PHKB: variants seen among roughly 807,000 people sequenced by gnomAD.
PHKB encodes phosphorylase kinase regulatory subunit beta.
A neutral mutation model predicts 152.1 loss-of-function variants in PHKB; 122 were observed. The ratio of observed to expected loss-of-function variants is 0.80; its 90% confidence interval spans 0.69 to 0.93. The LOEUF (loss-of-function observed/expected upper bound fraction) is 0.93. PHKB is among the 40% of genes least tolerant of loss of function. PHKB has a pLI of 0.00. For synonymous variants in PHKB, 436 were observed against 464.9 expected (o/e 0.94, Z 0.80); for missense variants, 1,304 against 1,328.4 (o/e 0.98, Z 0.29).
intron 6 of PHKB, among the ~76,000 whole-genome samples, chr16:47,521,280 C>A (rs1970681332): frequency 6.6e-6 from 1 of 152,184 alleles, no homozygotes; most frequent in Non-Finnish European, 1.5e-5. Flanking sequence ...CCAATACAAT[C>A]TTGAAAATAA....
At chr16:47,697,709 A>G (rs1364468779) in intron 29 of PHKB, among the ~76,000 whole-genome samples, 2 of 152,236 alleles carry the variant, frequency 1.3e-5, no homozygotes, top group Non-Finnish European at 2.9e-5. Context: ...TGTACAAATT[A>G]GGAGCCATAA....
At position 47,610,916 on chromosome 16, in the gene PHKB, A is replaced by G. The variant is rs778830883; in HGVS notation, c.1454A>G (p.Asn485Ser). ...DQRNVSMRFS[N>S]QGPLENDLVV... ...CGTAACGTGAGCATGAGGTTTTCCA[A>G]TCAGGTAAAGAATTATTCTATTTCT... The change falls in exon 14 of 31, where the codon AAT (asparagine) becomes AGT (serine). Residue 485 changes from asparagine to serine, a missense_variant. Asn to Ser is a conservative substitution (Grantham distance 46). Transcript: ENST00000323584. 13 of 1,549,014 alleles carry G rather than the reference A, an allele frequency of 8.4e-6. No homozygotes were observed. The highest frequency in any genetic ancestry group is 5.0e-5 in the Admixed American group (3 of 59,860).
At chr16:47,522,601 A>AT (rs1270896244) in intron 6 of PHKB, among the ~76,000 whole-genome samples, 9 of 129,900 alleles carry the variant, frequency 6.9e-5, no homozygotes, top group Non-Finnish European at 1.4e-4. Flanking sequence ...TTTTTCTCTT[A>AT]TTTTTTCTAG....
intron 4 of PHKB, 35 bp from the exon 5 acceptor site, chr16:47,511,630 T>G: frequency 7.4e-7 from 1 of 1,352,662 alleles, no homozygotes; most frequent in Non-Finnish European, 1.1e-6. Flanking sequence ...AGTTTATGAA[T>G]TACTAATGTT....
At chr16:47,686,970 G>T (rs1973975951) in intron 26 of PHKB, among the ~76,000 whole-genome samples, 1 of 151,976 alleles carries the variant, frequency 6.6e-6, no homozygotes, top group Non-Finnish European at 1.5e-5. Context: ...TTTACAGTTG[G>T]TCTGTTTTTG....
At chr16:47,546,684 C>CT (rs1357065838) in intron 6 of PHKB, among the ~76,000 whole-genome samples, 1 of 152,096 alleles carries the variant, frequency 6.6e-6, no homozygotes, top group South Asian at 2.1e-4. Context: ...TTTCAGCTGC[C>CT]TTTTTTTCAC....
At chr16:47,588,139 CAA>C (rs1971965637) in intron 9 of PHKB, among the ~76,000 whole-genome samples, 1 of 151,990 alleles carries the variant, frequency 6.6e-6, no homozygotes, top group Non-Finnish European at 1.5e-5. Flanking sequence ...TTCTCTCATT[CAA>C]TTCACTTTTT....
At chr16:47,665,328 CT>C in intron 25 of PHKB, 3 of 250,766 alleles carry the variant, frequency 1.2e-5, no homozygotes, top group South Asian at 9.8e-5. Context: ...ATGTGCTGTA[CT>C]TTAAAAAAAA....
chr16:47,517,255 A>AT (rs1214324029), intron 6 of PHKB, among the ~76,000 whole-genome samples: 11,178 of 140,416 alleles, frequency 0.08, 811 homozygotes, highest in African/African-American at 0.19. Flanking sequence ...TTGTTCAGTA[A>AT]TTTTTTTTTT....
chr16:47,665,023 C>T (rs367568970), intron 25 of PHKB, 48 bp downstream of exon 25: 2 of 1,160,542 alleles, frequency 1.7e-6, no homozygotes, highest in Non-Finnish European at 2.6e-6. Flanking sequence ...AATGTGTGGG[C>T]TTATTTGCAC....
intron 7 of PHKB, among the ~76,000 whole-genome samples, chr16:47,569,844 A>G (rs1321646243): frequency 1.3e-5 from 2 of 152,090 alleles, no homozygotes; most frequent in Admixed American, 6.5e-5. Flanking sequence ...GCTGGTCTTG[A>G]ACTTCTGACC....
At chr16:47,577,987 C>T (rs543112254) in intron 7 of PHKB, among the ~76,000 whole-genome samples, 2 of 152,134 alleles carry the variant, frequency 1.3e-5, no homozygotes, top group Non-Finnish European at 2.9e-5. Context: ...CCCACAAATC[C>T]CTGAGGCGCT....
intron 1 of PHKB, among the ~76,000 whole-genome samples, chr16:47,494,501 T>G (rs1436805059): frequency 1.3e-5 from 2 of 152,144 alleles, no homozygotes; most frequent in African/African-American, 4.8e-5. Context: ...CCCTTGGGTG[T>G]GGGTGCATAG....
chr16:47,639,659 A>G (rs1042200174), intron 14 of PHKB, among the ~76,000 whole-genome samples: 2 of 152,236 alleles, frequency 1.3e-5, no homozygotes, highest in Non-Finnish European at 2.9e-5. Flanking sequence ...CTATGATTCA[A>G]AAAGAAGATT....
chr16:47,634,369 C>CA (rs1260806433), intron 14 of PHKB, among the ~76,000 whole-genome samples: 8 of 152,176 alleles, frequency 5.3e-5, no homozygotes, highest in Non-Finnish European at 8.8e-5. Flanking sequence ...CTTGCATGGG[C>CA]AGTCATTCAT....
At position 47,699,457 on chromosome 16, in the gene PHKB, C is replaced by T. The variant is rs1263446262; in HGVS notation, c.*91C>T. On this transcript the variant is annotated 3_prime_UTR_variant, in exon 31 of 31. Transcript: ENST00000323584. ...CTTAATCAAGGCAGCCATTAATATA[C>T]GAACTGAGCATGCTGGGGAGGTGAA... 2.8e-5 allele frequency: 40 copies of T among 1,447,492 alleles called. No homozygotes were observed. The Middle Eastern group carries it at 5.2e-4, about 19-fold the overall frequency. 89.7% of individuals were successfully genotyped at this position (1,447,492 alleles called of 1,614,324 possible).
Position 47,587,658 on chromosome 16 carries a change from C to G in PHKB, c.775-10C>G, listed in dbSNP as rs753672973. 9 of 1,604,086 alleles carry G rather than the reference C, an allele frequency of 5.6e-6. No individual in the cohort carries two copies. In the Admixed American group the frequency reaches 1.2e-4, roughly 21 times the overall value. ...TAATTTAGGAAATGTTTTTCTTTTT[C>G]TCTGTCCAGGGCTGTTCGTGGTCAG... On this transcript the variant is annotated splice_polypyrimidine_tract_variant and intron_variant, in intron 8 of 30. Transcript: ENST00000323584.
chr16:47,680,001 G>T (rs982987627), intron 26 of PHKB, among the ~76,000 whole-genome samples: 1 of 152,150 alleles, frequency 6.6e-6, no homozygotes, highest in African/African-American at 2.4e-5. Context: ...TTTGTCAAAG[G>T]CGTTTTCTGC....
rs1410840702 is a variant in PHKB, at chr16:47,503,312, T to C, written c.405+222T>C. 2.0e-5 allele frequency among the ~76,000 whole-genome samples: 3 copies of C among 152,342 alleles called. No homozygotes were observed. In the East Asian group the frequency reaches 5.8e-4, roughly 29 times the overall value. ...CAAGAGGTGATTGAGAATTGTTATT[T>C]AGACTTGGATTTGTTTGTGTTTTGC... On this transcript the variant is annotated intron_variant, in intron 4 of 30. Coordinates refer to ENST00000323584, the MANE Select transcript of PHKB (RefSeq NM_000293.3).
Sources: allele counts gnomAD v4.1 joint callset (sites outside exome capture counted in the v4.1 genomes callset), GRCh38; gene constraint gnomAD v4.1.1; transcripts MANE v1.5; gene names NCBI Gene and HGNC (gene_info 2026-07-23, HGNC 2026-07-21).